Variants in OSBP observed in about 807,000 individuals in gnomAD.
OSBP encodes the protein oxysterol-binding protein 1.
Under a neutral mutation model 96.6 loss-of-function variants are expected in OSBP, and 32 were observed. The observed-to-expected ratio is 0.33, with a 90% confidence interval of 0.25 to 0.45. The LOEUF (loss-of-function observed/expected upper bound fraction) is 0.45. Ranked by LOEUF, OSBP falls within the 20% of genes least tolerant of loss-of-function variation. The pLI is 1.00. For synonymous variants in OSBP, 369 were observed against 389.6 expected (o/e 0.95, Z 0.62); for missense variants, 653 against 1,029.7 (o/e 0.63, Z 5.01).
intron 9 of OSBP, 26 bp downstream of exon 9, chr11:59,593,578 A>G (rs369953512): frequency 6.2e-7 from 1 of 1,612,930 alleles, no homozygotes; most frequent in Non-Finnish European, 8.5e-7. Flanking sequence ...CAGGAGCATT[A>G]ATTCTGACAA....
Position 59,576,472 on chromosome 11 carries a change from C to A in OSBP, c.*105G>T. ...GGAAAAAATGATTGGTCAAGAGAGA[C>A]AAACTTGAGGAAAGCACTTGGTAAG... On this transcript the variant is annotated 3_prime_UTR_variant, in exon 14 of 14. Transcript: ENST00000263847. 3 of 1,293,130 alleles carry A rather than the reference C, an allele frequency of 2.3e-6. No homozygotes were observed. Among genetic ancestry groups the A allele is most frequent in the Non-Finnish European group, 3.2e-6 (3 of 935,906 alleles). 80.1% of individuals were successfully genotyped at this position (1,293,130 alleles called of 1,614,324 possible).
rs1860757944 is a variant in OSBP at position 59,604,625 on chromosome 11, C to T, written c.823-2787G>A. Among the ~76,000 whole-genome samples, 3 of 152,040 alleles carry T rather than the reference C, an allele frequency of 2.0e-5. No individual in the cohort carries two copies. The South Asian group carries it at 6.2e-4, about 32-fold the overall frequency. On this transcript the variant is annotated intron_variant, in intron 3 of 13. Coordinates refer to ENST00000263847, the MANE Select transcript of OSBP (RefSeq NM_002556.3). ...GATGAGGTAGAAGAATTGCTTGAAC[C>T]CAAGAGGCGGAGGTTACAGTGAACC...
intron 3 of OSBP, 78 bp downstream of exon 3, chr11:59,608,406 A>C (rs1343783333): frequency 1.3e-6 from 2 of 1,574,364 alleles, no homozygotes; most frequent in Non-Finnish European, 1.7e-6. Flanking sequence ...ATCAATTACA[A>C]TTTTTAGGCA....
chr11:59,587,546 C>T (rs1385681350), intron 9 of OSBP, among the ~76,000 whole-genome samples: 3 of 151,818 alleles, frequency 2.0e-5, no homozygotes, highest in Admixed American at 1.3e-4. Flanking sequence ...ATAGGTATTC[C>T]TCCAAAGATA....
At chr11:59,577,125 C>T (rs1170406835) in intron 12 of OSBP, 100 bp from the exon 13 acceptor site, 1 of 911,998 alleles carries the variant, frequency 1.1e-6, no homozygotes, top group African/African-American at 1.7e-5. Flanking sequence ...ATCACCAAGG[C>T]TGTTCTACAA....
chr11:59,593,952 C>CA (rs968329543), intron 8 of OSBP, 58 bp downstream of exon 8: 32 of 1,592,974 alleles, frequency 2.0e-5, no homozygotes, highest in Middle Eastern at 1.7e-4. Context: ...GGGGATTAAC[C>CA]AAAAAATCAT....
At chr11:59,590,872 C>A (rs550409620) in intron 9 of OSBP, among the ~76,000 whole-genome samples, 2 of 152,214 alleles carry the variant, frequency 1.3e-5, no homozygotes, top group Non-Finnish European at 2.9e-5. Context: ...ATCTCCAGGG[C>A]AAATACCTAG....
Position 59,615,753 on chromosome 11 carries a change from G to C in OSBP, c.-89C>G, listed in dbSNP as rs959303924. ...AGCGCCCCACACGGCTACCGCATCA[G>C]CCACCGCCGCGCAGCGTCCCCGCCC... On this transcript the variant is annotated 5_prime_UTR_variant, in exon 1 of 14. Transcript: ENST00000263847. 2.1e-5 allele frequency: 25 copies of C among 1,219,358 alleles called. No homozygotes were observed. The South Asian group carries it at 4.6e-4, about 22-fold the overall frequency. The allele number at this position is 1,219,358 out of a possible 1,614,324, so 75.5% of individuals were successfully genotyped here.
At chr11:59,578,897 T>C (rs1860388826) in intron 11 of OSBP, among the ~76,000 whole-genome samples, 1 of 152,244 alleles carries the variant, frequency 6.6e-6, no homozygotes, top group Non-Finnish European at 1.5e-5. Flanking sequence ...TAGGTGTATA[T>C]AATTTGCATT....
At chr11:59,577,070 A>T in intron 12 of OSBP, 45 bp from the exon 13 acceptor site, 1 of 1,528,956 alleles carries the variant, frequency 6.5e-7, no homozygotes, top group African/African-American at 1.4e-5. Flanking sequence ...CCCAGAGCCC[A>T]GACCCTATTT....
intron 7 of OSBP, among the ~76,000 whole-genome samples, chr11:59,599,124 G>A (rs1227015759): frequency 1.5e-4 from 23 of 152,212 alleles, no homozygotes; most frequent in Admixed American, 1.5e-3. Flanking sequence ...ATTTGTTTAA[G>A]GCAGAGGTTG....
intron 9 of OSBP, among the ~76,000 whole-genome samples, chr11:59,582,921 G>T (rs989099561): frequency 1.3e-5 from 2 of 152,146 alleles, no homozygotes; most frequent in Admixed American, 1.3e-4. Flanking sequence ...GTTCTTATAA[G>T]TCAATCTCCA....
Position 59,601,351 on chromosome 11 carries a change from A to T in OSBP, c.1056T>A (p.Asp352Glu). 1 of 1,613,542 alleles carries T rather than the reference A, an allele frequency of 6.2e-7. No homozygotes were observed. Among genetic ancestry groups the T allele is most frequent in the Non-Finnish European group, 8.5e-7 (1 of 1,179,470 alleles). The change falls in exon 5 of 14, where the codon GAT (aspartate) becomes GAA (glutamate). Residue 352 changes from aspartate to glutamate, a missense_variant. By Grantham distance (45) the Asp-to-Glu change is conservative (BLOSUM62 2). Around this residue, in one of 6 missense-constraint regions of OSBP, gnomAD observed 308 missense variants for 573.1 expected, o/e 0.54. Coordinates refer to ENST00000263847, the MANE Select transcript of OSBP (RefSeq NM_002556.3). Reference protein sequence around the residue: ...QCCSGKGDMSDEDDENEFFDA... With the variant: ...QCCSGKGDMSEEDDENEFFDA... The stretch of plus-strand genomic sequence containing the variant: ...CAAAAAATTCATTCTCATCATCTTC[A>T]TCGCTCATGTCCCCTTTGCCAGAGC...
chr11:59,597,428 C>G (rs1224081888), intron 7 of OSBP, among the ~76,000 whole-genome samples: 1 of 152,128 alleles, frequency 6.6e-6, no homozygotes, highest in African/African-American at 2.4e-5. Flanking sequence ...CCCACTACTC[C>G]CTTCAAGGCA....
intron 9 of OSBP, among the ~76,000 whole-genome samples, chr11:59,583,632 C>CTTT (rs1358364664): frequency 1.6e-4 from 19 of 116,500 alleles, no homozygotes; most frequent in Non-Finnish European, 2.4e-4. Flanking sequence ...TTCTAAATCT[C>CTTT]TGTTTTTTTT....
intron 9 of OSBP, among the ~76,000 whole-genome samples, chr11:59,582,866 T>C (rs1206482047): frequency 6.6e-6 from 1 of 152,228 alleles, no homozygotes; most frequent in Non-Finnish European, 1.5e-5. Flanking sequence ...AGTAAATGTC[T>C]GTTTATTTGC....
intron 3 of OSBP, among the ~76,000 whole-genome samples, chr11:59,607,960 A>C (rs1016176306): frequency 2.0e-5 from 3 of 152,168 alleles, no homozygotes; most frequent in African/African-American, 7.2e-5. Flanking sequence ...TAGTACTATA[A>C]GGTTCTCACT....
chr11:59,585,917 T>C (rs957652586), intron 9 of OSBP, among the ~76,000 whole-genome samples: 3 of 152,180 alleles, frequency 2.0e-5, no homozygotes, highest in Non-Finnish European at 2.9e-5. Flanking sequence ...CAGGGTTAAA[T>C]GGATTAAGGG....
In OSBP at chr11:59,615,452, G is replaced by T; in HGVS notation, c.213C>A (p.Ala71=). ...GAGGVAAAGP[A]PAPPTGGSGG... ...CCGAGCCCCCAGTCGGCGGCGCAGG[G>T]GCCGGGCCAGCCGCCGCCACTCCCC... The change falls in exon 1 of 14, where the codon GCC becomes GCA. Residue 71 remains alanine, a synonymous_variant. Transcript: ENST00000263847. 1 of 1,379,462 alleles carries T rather than the reference G, an allele frequency of 7.2e-7. No individual in the cohort carries two copies. Among genetic ancestry groups the T allele is most frequent in the Non-Finnish European group, 9.5e-7 (1 of 1,055,526 alleles). The allele number at this position is 1,379,462 out of a possible 1,614,324, so 85.5% of individuals were successfully genotyped here.
Sources: allele counts gnomAD v4.1 joint callset (sites outside exome capture counted in the v4.1 genomes callset), GRCh38; gene constraint gnomAD v4.1.1; regional missense constraint gnomAD v4.1.1; transcripts MANE v1.5; gene names NCBI Gene and HGNC (gene_info 2026-07-23, HGNC 2026-07-21).